The following DPP10 variants were observed in gnomAD, a reference collection of about 807,000 sequenced individuals.
DPP10 encodes dipeptidyl peptidase like 10.
Under a neutral mutation model 120.9 loss-of-function variants are expected in DPP10, and 33 were observed. The ratio of observed to expected loss-of-function variants is 0.27; its 90% CI spans 0.21 to 0.37. The LOEUF is 0.37. Ranked by LOEUF, DPP10 falls within the 10% of genes least tolerant of loss-of-function variation. DPP10 has a pLI of 1.00. For synonymous variants in DPP10, 337 were observed against 326.1 expected (o/e 1.03, Z -0.36); for missense variants, 816 against 942.8 (o/e 0.87, Z 1.76).
intron 1 of DPP10, among the ~76,000 whole-genome samples, chr2:114,464,723 A>G (rs1460789873): frequency 6.6e-6 from 1 of 152,146 alleles, no homozygotes; most frequent in Non-Finnish European, 1.5e-5. Context: ...CCATTGGCCG[A>G]GAGCTGTGGC....
intron 3 of DPP10, among the ~76,000 whole-genome samples, chr2:115,416,185 G>C (rs1211354282): frequency 6.6e-6 from 1 of 152,070 alleles, no homozygotes; most frequent in Admixed American, 6.6e-5. Flanking sequence ...CCCAATGGCT[G>C]TCAAGCAGAC....
intron 1 of DPP10, among the ~76,000 whole-genome samples, chr2:114,886,157 C>T (rs560243189): frequency 6.6e-6 from 1 of 152,218 alleles, no homozygotes; most frequent in East Asian, 1.9e-4. Context: ...AGAATGTACA[C>T]TTTTATTTTT....
intron 1 of DPP10, among the ~76,000 whole-genome samples, chr2:114,446,891 G>C (rs1677971997): frequency 6.6e-6 from 1 of 152,174 alleles, no homozygotes; most frequent in African/African-American, 2.4e-5. Context: ...TCACAAGTAT[G>C]TATTGTTAAA....
At chr2:115,734,698 A>G (rs2092993264) in intron 8 of DPP10, among the ~76,000 whole-genome samples, 1 of 149,684 alleles carries the variant, frequency 6.7e-6, no homozygotes, top group Non-Finnish European at 1.5e-5. Context: ...TAGAGTTTAC[A>G]CTCAATTGGC....
At chr2:114,668,106 A>G (rs1482656760) in intron 1 of DPP10, among the ~76,000 whole-genome samples, 1 of 152,046 alleles carries the variant, frequency 6.6e-6, no homozygotes, top group Non-Finnish European at 1.5e-5. Flanking sequence ...TTAACATATG[A>G]AGAGATTTGT....
chr2:115,835,293 A>G (rs560558209), intron 21 of DPP10, among the ~76,000 whole-genome samples: 1 of 152,338 alleles, frequency 6.6e-6, no homozygotes, highest in Admixed American at 6.5e-5. Flanking sequence ...TCTGAAACAA[A>G]GGCATAAGGA....
At chr2:115,380,898 T>G (rs914874767) in intron 3 of DPP10, among the ~76,000 whole-genome samples, 1 of 152,238 alleles carries the variant, frequency 6.6e-6, no homozygotes, top group Non-Finnish European at 1.5e-5. Flanking sequence ...TCTTCTGGCT[T>G]GTAGAGTTTC....
intron 4 of DPP10, among the ~76,000 whole-genome samples, chr2:115,513,436 A>G (rs1045012579): frequency 1.3e-5 from 2 of 151,798 alleles, no homozygotes; most frequent in Non-Finnish European, 2.9e-5. Context: ...TCTACATATC[A>G]TATGTCATTT....
At chr2:115,126,348 C>T (rs111888957) in intron 1 of DPP10, among the ~76,000 whole-genome samples, 3,639 of 152,154 alleles carry the variant, frequency 0.024, 42 homozygotes, top group African/African-American at 0.032. Flanking sequence ...GCAATCCACC[C>T]GCCTCAGCCT....
At chr2:115,507,030 A>ATG (rs2076981808) in intron 4 of DPP10, among the ~76,000 whole-genome samples, 1 of 119,666 alleles carries the variant, frequency 8.4e-6, no homozygotes, top group African/African-American at 3.5e-5. Flanking sequence ...ACACACACGC[A>ATG]CGCGCACACA....
chr2:115,346,149 T>A (rs1247387219), intron 3 of DPP10, among the ~76,000 whole-genome samples: 1 of 152,176 alleles, frequency 6.6e-6, no homozygotes, highest in Non-Finnish European at 1.5e-5. Flanking sequence ...TTCTGGCAAG[T>A]GCTAGATACT....
intron 1 of DPP10, among the ~76,000 whole-genome samples, chr2:114,903,376 T>C (rs1693731203): frequency 6.6e-6 from 1 of 152,178 alleles, no homozygotes; most frequent in Admixed American, 6.5e-5. Flanking sequence ...TTTTCCAAAG[T>C]TGTACTATTT....
At chr2:114,723,348 G>A (rs910331538) in intron 1 of DPP10, among the ~76,000 whole-genome samples, 7 of 152,164 alleles carry the variant, frequency 4.6e-5, no homozygotes, top group African/African-American at 9.7e-5. Context: ...TCTAAAGGAA[G>A]GGAGTTAAGA....
At chr2:115,342,077 T>C in intron 2 of DPP10, 2 of 443,446 alleles carry the variant, frequency 4.5e-6, no homozygotes, top group Non-Finnish European at 9.0e-6. Context: ...TTAGTGAGAG[T>C]TGGTCATTTT....
chr2:115,826,322 G>A lies in DPP10; in HGVS notation c.1951-9835G>A, dbSNP rs1413754820. On this transcript the variant is annotated intron_variant, in intron 21 of 25. Coordinates refer to ENST00000410059, the MANE Select transcript of DPP10 (RefSeq NM_020868.6). ...GTCTGTTTGCCTTTTCCTACTTTCA[G>A]TTCTATCAGTTTTGGCTTCATTTAT... is the stretch of plus-strand genomic sequence containing the variant. 2.6e-5 allele frequency among the ~76,000 whole-genome samples: 4 copies of A among 152,118 alleles called. No homozygotes were observed. In the South Asian group the frequency reaches 8.3e-4, roughly 32 times the overall value.
intron 5 of DPP10, among the ~76,000 whole-genome samples, chr2:115,604,913 G>A (rs1022173957): frequency 2.6e-5 from 4 of 152,044 alleles, no homozygotes; most frequent in East Asian, 3.9e-4. Context: ...ATTAATTACC[G>A]AATGATTTAT....
chr2:115,494,242 T>C (rs1018207809), intron 3 of DPP10, among the ~76,000 whole-genome samples: 1 of 152,138 alleles, frequency 6.6e-6, no homozygotes, highest in Non-Finnish European at 1.5e-5. Context: ...GTGCATGTAC[T>C]TTTTTTCTTT....
At chr2:115,462,677 A>T (rs141838865) in intron 3 of DPP10, among the ~76,000 whole-genome samples, 123 of 152,276 alleles carry the variant, frequency 8.1e-4, no homozygotes, top group African/African-American at 2.8e-3. Flanking sequence ...ATATTTGCTA[A>T]TGTATATTTA....
intron 1 of DPP10, among the ~76,000 whole-genome samples, chr2:114,758,728 A>G (rs1302489703): frequency 6.6e-6 from 1 of 152,204 alleles, no homozygotes; most frequent in Non-Finnish European, 1.5e-5. Context: ...TATAAAATGA[A>G]TTATTTTACA....
Sources: allele counts gnomAD v4.1 joint callset (sites outside exome capture counted in the v4.1 genomes callset), GRCh38; gene constraint gnomAD v4.1.1; transcripts MANE v1.5; gene names NCBI Gene and HGNC (gene_info 2026-07-23, HGNC 2026-07-21).